EXOC3L4: variants seen among roughly 807,000 people sequenced by gnomAD.
EXOC3L4 encodes the protein exocyst complex component 3-like protein 4.
EXOC3L4 carries 62 observed loss-of-function variants against 69.7 expected under a neutral mutation model. The observed-to-expected ratio is 0.89, with a 90% CI of 0.72 to 1.10. The LOEUF (loss-of-function observed/expected upper bound fraction) is 1.10. Ranked by LOEUF, EXOC3L4 falls within the 50% of genes least tolerant of loss-of-function variation. The pLI is 0.00. For synonymous variants in EXOC3L4, 502 were observed against 464.2 expected, an observed-to-expected ratio of 1.08 and a Z score of -1.05; for missense variants, 1,087 against 1,034.8, an observed-to-expected ratio of 1.05 and a Z score of -0.69.
intron 1 of EXOC3L4, among the ~76,000 whole-genome samples, chr14:103,096,870 G>A (rs1007644358): frequency 5.9e-5 from 9 of 152,218 alleles, no homozygotes; most frequent in Non-Finnish European, 1.3e-4. Context: ...GCAGCTCGGA[G>A]GCTGTGATCA....
At chr14:103,107,818 T>C (rs2139511236) in intron 10 of EXOC3L4, 35 bp downstream of exon 10, 1 of 1,477,030 alleles carries the variant, frequency 6.8e-7, no homozygotes, top group East Asian at 2.5e-5. Context: ...GGTGCTCGCC[T>C]CTGTGTGGGG....
At chr14:103,103,793 CGCGCGTGTGTGT>C (rs755643698) in intron 3 of EXOC3L4, 136 bp from the exon 4 acceptor site, 5 of 454,058 alleles carry the variant, frequency 1.1e-5, no homozygotes, top group Non-Finnish European at 1.5e-5. Flanking sequence ...TAGAGGCGCG[CGCGCGTGTGTGT>C]GTGTGTGTGT....
chr14:103,110,144 CG>C lies in EXOC3L4; in HGVS notation c.2092del (p.Glu698ArgfsTer21). 1 of 1,549,034 alleles carries C rather than the reference CG, an allele frequency of 6.5e-7. No individual in the cohort carries two copies. The highest frequency in any genetic ancestry group is 2.4e-5 in the East Asian group (1 of 41,508). The part of the protein sequence containing the change: ...LLRAAAGAAG[A>X]EAPRGRVLFE... ...AGAGCTGCGGCCGGGGCGGCGGGTG[CG>C]GAGGCCCCTCGGGGCCGCGTGCTCT... On this transcript the variant is annotated frameshift_variant, in exon 12 of 12. Coordinates refer to ENST00000688303, the MANE Select transcript of EXOC3L4 (RefSeq NM_001077594.2). LOFTEE classifies it low-confidence loss of function (END_TRUNC).
intron 7 of EXOC3L4, 34 bp downstream of exon 7, chr14:103,105,106 T>C: frequency 6.4e-7 from 1 of 1,572,270 alleles, no homozygotes; most frequent in South Asian, 1.1e-5. Context: ...GGGCGCAGCG[T>C]GGCCAGCAGG....
At position 103,108,507 on chromosome 14, in the gene EXOC3L4, C is replaced by G. The variant is rs1890712292; in HGVS notation, c.1966C>G (p.Pro656Ala). 1 of 1,613,524 alleles carries G rather than the reference C, an allele frequency of 6.2e-7. No individual in the cohort carries two copies. Among genetic ancestry groups the G allele is most frequent in the Non-Finnish European group, 8.5e-7 (1 of 1,179,632 alleles). Residue 656 changes from proline (P) to alanine (A), a missense_variant, in exon 11 of 12, where the codon CCC becomes GCC. Pro to Ala is a conservative substitution (Grantham distance 27). Coordinates refer to ENST00000688303, the MANE Select transcript of EXOC3L4 (RefSeq NM_001077594.2). ...CCTGGAGACTCTTATCCGGAGCTAC[C>G]CCGACATCAGGTGTGTACCCCACCT... ...RHLETLIRSYPDIRRDHILAI... is the reference protein window; with the variant it reads ...RHLETLIRSYADIRRDHILAI...
chr14:103,095,078 A>G (rs1889830939), intron 1 of EXOC3L4, among the ~76,000 whole-genome samples: 1 of 152,260 alleles, frequency 6.6e-6, no homozygotes, highest in Admixed American at 6.5e-5. Flanking sequence ...GCATGCAGGC[A>G]CAGACACAGA....
chr14:103,110,124 TGCGGCCGGG>T lies in EXOC3L4; in HGVS notation c.2076_2084del (p.Ala695_Ala697del). 1 of 1,561,834 alleles carries T rather than the reference TGCGGCCGGG, an allele frequency of 6.4e-7. No individual in the cohort carries two copies. Among genetic ancestry groups the T allele is most frequent in the Non-Finnish European group, 8.7e-7 (1 of 1,153,468 alleles). On this transcript the variant is annotated inframe_deletion, in exon 12 of 12. Coordinates refer to ENST00000688303, the MANE Select transcript of EXOC3L4 (RefSeq NM_001077594.2). ...AGCACACTCAAGACCTGCTGAGAGC[TGCGGCCGGG>T]GCGGCGGGTGCGGAGGCCCCTCGGG...
rs143489829 is a variant in EXOC3L4 at position 103,100,307 on chromosome 14, C to G, written c.88C>G (p.Arg30Gly). Residue 30 changes from arginine (R) to glycine (G), a missense_variant, in exon 2 of 12, where the codon CGG (arginine) becomes GGG (glycine). Arg to Gly is a moderately radical substitution (Grantham distance 125). Transcript: ENST00000688303. ...EEPQTPAQGS[R>G]RTSSRKEPNA... ...GCCACAGACTCCAGCTCAGGGCTCC[C>G]GGCGAACAAGCAGCAGGAAAGAGCC... The G allele has an allele frequency of 3.2e-6, 5 of 1,583,948 alleles. No homozygotes were observed. The East Asian group carries it at 9.2e-5, about 29-fold the overall frequency.
chr14:103,109,101 A>G (rs1890749981), intron 11 of EXOC3L4, among the ~76,000 whole-genome samples: 1 of 141,730 alleles, frequency 7.1e-6, no homozygotes, highest in Non-Finnish European at 1.5e-5. Context: ...CCCTCCAACT[A>G]CTCCCCAACC....
At chr14:103,104,133 G>T in intron 4 of EXOC3L4, 81 bp downstream of exon 4, 1 of 1,446,908 alleles carries the variant, frequency 6.9e-7, no homozygotes, top group East Asian at 2.6e-5. Context: ...CAGGCTATCG[G>T]CGGCCAGAGC....
rs1167599136 is a variant in EXOC3L4 at position 103,102,432 on chromosome 14, A to C, written c.709A>C (p.Thr237Pro). The C allele has an allele frequency of 6.6e-7, 1 of 1,515,948 alleles. No homozygotes were observed. The highest frequency in any genetic ancestry group is 2.6e-5 in the East Asian group (1 of 38,266). The allele number at this position is 1,515,948 out of a possible 1,614,324, so 93.9% of individuals were successfully genotyped here. A position where few individuals can be genotyped will look rare whatever the true frequency, so the allele number is the denominator to read the frequency against. ...CCCCGACGACGGCGACTTCCTGCGC[A>C]CGCCGCGCCGCTGGCGCCAGCACTG... ...SPPDDGDFLR[T>P]PRRWRQHWEE... Residue 237 changes from threonine to proline, a missense_variant, in exon 3 of 12, where the codon ACG becomes CCG. Transcript: ENST00000688303.
At chr14:103,106,992 T>C (rs1890590325) in intron 8 of EXOC3L4, 93 bp downstream of exon 8, 1 of 1,061,404 alleles carries the variant, frequency 9.4e-7, no homozygotes, top group South Asian at 1.6e-5. Context: ...AGCATTCATT[T>C]ATTCCAGGGT....
intron 1 of EXOC3L4, among the ~76,000 whole-genome samples, chr14:103,099,230 TGG>T (rs1334917186): frequency 6.6e-6 from 1 of 151,892 alleles, no homozygotes; most frequent in Non-Finnish European, 1.5e-5. Flanking sequence ...GCTTGTGCAA[TGG>T]GGTGGGTGGG....
At chr14:103,094,708 G>C (rs1889817095), upstream of EXOC3L4, 1 of 152,296 alleles carries the variant, frequency 6.6e-6, no homozygotes, top group Admixed American at 6.5e-5. Flanking sequence ...ACCATGGCTG[G>C]GAAGTCCCAG....
intron 10 of EXOC3L4, 60 bp from the exon 11 acceptor site, chr14:103,108,336 A>G: frequency 1.3e-6 from 2 of 1,592,108 alleles, no homozygotes; most frequent in Non-Finnish European, 1.7e-6. Context: ...GCGCTCTTGC[A>G]GGAGTTGGAG....
In EXOC3L4 at chr14:103,106,947, C is replaced by T. The variant is rs746137068; in HGVS notation, c.1581+48C>T. The T allele has an allele frequency of 3.5e-6, 5 of 1,413,024 alleles. No homozygotes were observed. In the African/African-American group the frequency reaches 4.3e-5, roughly 12 times the overall value. The allele number at this position is 1,413,024 out of a possible 1,614,324, so 87.5% of individuals were successfully genotyped here. A position where few individuals can be genotyped will look rare whatever the true frequency, so the allele number is the denominator to read the frequency against. ...CCCTACTTCCCATGCCCAGCAGGCACCCCCTATTTCCTAGAGCCTGGGGGC... is the reference window on the plus strand; with the variant it reads ...CCCTACTTCCCATGCCCAGCAGGCATCCCCTATTTCCTAGAGCCTGGGGGC... On this transcript the variant is annotated intron_variant, in intron 8 of 11. Coordinates refer to ENST00000688303, the MANE Select transcript of EXOC3L4 (RefSeq NM_001077594.2).
chr14:103,100,194 T>G lies in EXOC3L4; in HGVS notation c.-16-10T>G, dbSNP rs377035456. ...CATCTGCTCCTATGGCCACTCCTTC[T>G]TGCCCCCAGCTCTCCTGCTGCCAAG... On this transcript the variant is annotated splice_polypyrimidine_tract_variant and intron_variant, in intron 1 of 11. Coordinates refer to ENST00000688303, the MANE Select transcript of EXOC3L4 (RefSeq NM_001077594.2). The G allele has an allele frequency of 1.5e-5, 23 of 1,544,784 alleles. No individual in the cohort carries two copies. The highest frequency in any genetic ancestry group is 2.0e-5 in the Non-Finnish European group (23 of 1,140,944).
rs185138169 is a variant in EXOC3L4, at chr14:103,095,188, G to A, written c.-17+348G>A. ...CAACACACAGATGTGCAAAACCGAC[G>A]CCCAGAAAAGTGTGTATATGCCCGC... On this transcript the variant is annotated intron_variant, in intron 1 of 11. Coordinates refer to ENST00000688303, the MANE Select transcript of EXOC3L4 (RefSeq NM_001077594.2). Among the ~76,000 whole-genome samples, 127 of 152,302 alleles carry A rather than the reference G, an allele frequency of 8.3e-4. 3 individuals carry two copies. Among genetic ancestry groups the A allele is most frequent in the African/African-American group, 1.9e-3 (80 of 41,570 alleles).
In EXOC3L4 at chr14:103,110,506, C is replaced by A; in HGVS notation, c.*283C>A. 2 of 571,946 alleles carry A rather than the reference C, an allele frequency of 3.5e-6. No individual in the cohort carries two copies. The highest frequency in any genetic ancestry group is 2.7e-4 in the Middle Eastern group (1 of 3,696). 35.4% of individuals were successfully genotyped at this position (571,946 alleles called of 1,614,324 possible). ...CGCCCGACTGTCCAGCTTCACCCTCCAGTCTGAAAGTGAAGAGCAGAGTAT... is the reference window on the plus strand; with the variant it reads ...CGCCCGACTGTCCAGCTTCACCCTCAAGTCTGAAAGTGAAGAGCAGAGTAT... On this transcript the variant is annotated 3_prime_UTR_variant, in exon 12 of 12. Transcript: ENST00000688303.
Sources: allele counts gnomAD v4.1 joint callset (sites outside exome capture counted in the v4.1 genomes callset), GRCh38; gene constraint gnomAD v4.1.1; transcripts MANE v1.5; gene names NCBI Gene and HGNC (gene_info 2026-07-23, HGNC 2026-07-21).